Variants in FLG observed in about 807,000 individuals in gnomAD.
FLG encodes epidermal filaggrin.
Under a neutral mutation model 3.8 loss-of-function variants are expected in FLG, and 6 were observed. The observed-to-expected ratio is 1.60, with a 90% confidence interval of 0.87 to 3.15. The LOEUF is 3.15. Among genes scored for constraint, FLG ranks in the 30% most tolerant of loss-of-function variants. FLG has a pLI of 0.00. For synonymous variants in FLG, 2,551 were observed against 1,931.6 expected (o/e 1.32, Z -8.41); for missense variants, 7,595 against 5,050.9 (o/e 1.50, Z -15.27).
Position 152,309,794 on chromosome 1 carries a change from C to A in FLG, c.5092G>T (p.Gly1698Trp), listed in dbSNP as rs746942219. The change falls in exon 3 of 3, where the codon GGG becomes TGG. Residue 1698 changes from glycine (G) to tryptophan (W), a missense_variant. Gly to Trp is a radical substitution (Grantham distance 184). Coordinates refer to ENST00000368799, the MANE Select transcript of FLG (RefSeq NM_002016.2). ...SADSSTDSGTGRRQDSSVVGD... is the reference protein window; with the variant it reads ...SADSSTDSGTWRRQDSSVVGD... ...ACTACAGATGAATCTTGTCTGCGCC[C>A]AGTGCCTGAGTCTGTGGAGCTGTCT... The A allele has an allele frequency of 6.2e-7, 1 of 1,613,984 alleles. No homozygotes were observed.
At position 152,311,402 on chromosome 1, in the gene FLG, G is replaced by T. The variant is rs76017272; in HGVS notation, c.3484C>A (p.Gln1162Lys). The T allele has an allele frequency of 2.8e-4, 446 of 1,613,592 alleles. 1 individual carries two copies. In the East Asian group the frequency reaches 9.8e-3, roughly 36 times the overall value. The change falls in exon 3 of 3, where the codon CAG becomes AAG. Residue 1162 changes from glutamine to lysine, a missense_variant. Transcript: ENST00000368799. ...SSRHSASQEG[Q>K]DTIRAHPGSR... The stretch of plus-strand genomic sequence containing the variant: ...CCCGGGTGTGCACGAATGGTGTCCT[G>T]ACCCTCTTGGGACGCTGAGTGCCTG...
At chr1:152,315,195 A>G in intron 2 of FLG, 124 bp downstream of exon 2, 1 of 956,198 alleles carries the variant, frequency 1.0e-6, no homozygotes, top group East Asian at 2.4e-5. Context: ...ATCTCTTTTG[A>G]GACAAGATTA....
Position 152,308,725 on chromosome 1 carries a change from G to T in FLG, c.6161C>A (p.Ser2054Ter). 1 of 1,614,112 alleles carries T rather than the reference G, an allele frequency of 6.2e-7. No individual in the cohort carries two copies. Among genetic ancestry groups the T allele is most frequent in the East Asian group, 2.2e-5 (1 of 44,872 alleles). The change falls in exon 3 of 3, where the codon TCA (serine) becomes TAA (stop). Residue 2054 changes from serine (S) to a stop codon, truncating the protein, a stop_gained. Coordinates refer to ENST00000368799, the MANE Select transcript of FLG (RefSeq NM_002016.2). LOFTEE classifies it low-confidence loss of function (END_TRUNC). ...ASDSEGHSED[S>*]DTQSVSAQGK... Reference sequence around the variant, plus strand: ...CTGTGCTGACACTGACTGTGTGTCTGAGTCTTCTGAATGTCCCTCACTGTC... The same window carrying T: ...CTGTGCTGACACTGACTGTGTGTCTTAGTCTTCTGAATGTCCCTCACTGTC...
rs752919331 is a variant in FLG, at chr1:152,314,364, T to C, written c.522A>G (p.Gly174=). The change falls in exon 3 of 3, where the codon GGA becomes GGG. Residue 174 remains glycine, a synonymous_variant. Transcript: ENST00000368799. ...TTTTACTTGAGTTATGATGGTTTTTTCCATATTCTTCTTCTCTATGAGTAG... is the reference window on the plus strand; with the variant it reads ...TTTTACTTGAGTTATGATGGTTTTTCCCATATTCTTCTTCTCTATGAGTAG... ...YSPTHREEEY[G]KNHHNSSKKE... 1.9e-6 allele frequency: 3 copies of C among 1,612,722 alleles called. No individual in the cohort carries two copies. Among genetic ancestry groups the C allele is most frequent in the Non-Finnish European group, 8.5e-7 (1 of 1,179,516 alleles).
At position 152,304,800 on chromosome 1, in the gene FLG, C is replaced by A. The variant is rs750402119; in HGVS notation, c.10086G>T (p.Gly3362=). ...TQSVSGHGQA[G]PHQQSHQESA... ...ACTCTTGGTGGCTCTGCTGATGGGGCCCAGCCTGTCCATGGCCTGACACTG... is the reference window on the plus strand; with the variant it reads ...ACTCTTGGTGGCTCTGCTGATGGGGACCAGCCTGTCCATGGCCTGACACTG... The change falls in exon 3 of 3, where the codon GGG becomes GGT. Residue 3362 remains glycine, a synonymous_variant. Transcript: ENST00000368799. The A allele has an allele frequency of 1.2e-5, 20 of 1,613,736 alleles. 2 individuals carry two copies. The South Asian group carries it at 1.8e-4, about 14-fold the overall frequency.
chr1:152,324,341 TG>T (rs1653078130), intron 1 of FLG, among the ~76,000 whole-genome samples: 1 of 151,926 alleles, frequency 6.6e-6, no homozygotes, highest in Admixed American at 6.6e-5. Flanking sequence ...TGAGCTACGC[TG>T]TCTAGCTCTC....
At position 152,311,279 on chromosome 1, in the gene FLG, T is replaced by A; in HGVS notation, c.3607A>T (p.Arg1203Trp). The A allele has an allele frequency of 6.2e-7, 1 of 1,613,872 alleles. No homozygotes were observed. The highest frequency in any genetic ancestry group is 8.5e-7 in the Non-Finnish European group (1 of 1,179,970). The change falls in exon 3 of 3, where the codon AGG (arginine) becomes TGG (tryptophan). Residue 1203 changes from arginine to tryptophan, a missense_variant. By Grantham distance (101) the Arg-to-Trp change is moderately radical. Coordinates refer to ENST00000368799, the MANE Select transcript of FLG (RefSeq NM_002016.2). Reference protein sequence around the residue: ...SHHSHTTSQGRSDASHGQSGS... With the variant: ...SHHSHTTSQGWSDASHGQSGS... The stretch of plus-strand genomic sequence containing the variant: ...GACTGCCCATGGGAGGCATCAGACC[T>A]TCCCTGGGATGTGGTGTGGCTGTGA...
In FLG at chr1:152,305,100, G is replaced by C; in HGVS notation, c.9786C>G (p.Ala3262=). 1 of 1,613,710 alleles carries C rather than the reference G, an allele frequency of 6.2e-7. No homozygotes were observed. The highest frequency in any genetic ancestry group is 8.5e-7 in the Non-Finnish European group (1 of 1,179,810). ...RHPRSHHEDR[A]GHGHSADRSR... ...AGCGGTCTGCAGAGTGCCCGTGACCGGCTCTGTCTTCGTGATGGGACCTGG... is the reference window on the plus strand; with the variant it reads ...AGCGGTCTGCAGAGTGCCCGTGACCCGCTCTGTCTTCGTGATGGGACCTGG... The change falls in exon 3 of 3, where the codon GCC becomes GCG. Residue 3262 remains alanine, a synonymous_variant. Coordinates refer to ENST00000368799, the MANE Select transcript of FLG (RefSeq NM_002016.2).
Position 152,309,791 on chromosome 1 carries a change from G to T in FLG, c.5095C>A (p.Arg1699Ser). The T allele has an allele frequency of 1.2e-6, 2 of 1,613,682 alleles. No individual in the cohort carries two copies. The highest frequency in any genetic ancestry group is 1.7e-6 in the Non-Finnish European group (2 of 1,179,936). ...ADSSTDSGTG[R>S]RQDSSVVGDS... The stretch of plus-strand genomic sequence containing the variant: ...CCGACTACAGATGAATCTTGTCTGC[G>T]CCCAGTGCCTGAGTCTGTGGAGCTG... The change falls in exon 3 of 3, where the codon CGC becomes AGC. Residue 1699 changes from arginine to serine, a missense_variant. By Grantham distance (110) the Arg-to-Ser change is moderately radical. Coordinates refer to ENST00000368799, the MANE Select transcript of FLG (RefSeq NM_002016.2).
At chr1:152,323,504 A>T (rs1247162931) in intron 1 of FLG, among the ~76,000 whole-genome samples, 1 of 151,736 alleles carries the variant, frequency 6.6e-6, no homozygotes, top group Non-Finnish European at 1.5e-5. Flanking sequence ...ACAGAAAAGG[A>T]TATCCAAATG....
At position 152,308,616 on chromosome 1, in the gene FLG, G is replaced by A. The variant is rs553906156; in HGVS notation, c.6270C>T (p.Phe2090=). 1 of 1,614,132 alleles carries A rather than the reference G, an allele frequency of 6.2e-7. No homozygotes were observed. Among genetic ancestry groups the A allele is most frequent in the South Asian group, 1.1e-5 (1 of 91,074 alleles). ...GTTCATGAGTGCTCACCTGGTAGAG[G>A]AAAGACCCTGAACGTCCAGAGCTTT... is the stretch of plus-strand genomic sequence containing the variant. The part of the protein sequence containing the change: ...SGESSGRSGS[F]LYQVSTHEQS... The change falls in exon 3 of 3, where the codon TTC becomes TTT. Residue 2090 remains phenylalanine, a synonymous_variant. Transcript: ENST00000368799.
In FLG at chr1:152,309,109, C is replaced by T. The variant is rs1272079341; in HGVS notation, c.5777G>A (p.Gly1926Glu). 1.2e-6 allele frequency: 2 copies of T among 1,613,818 alleles called. No individual in the cohort carries two copies. The highest frequency in any genetic ancestry group is 1.7e-6 in the Non-Finnish European group (2 of 1,179,726). The stretch of plus-strand genomic sequence containing the variant: ...CCACCTCTCAGAGTCTTCTGAGTGT[C>T]CCTGACTGTCACTGTCCTGGCTAAC... ...SSVSQDSDSQ[G>E]HSEDSERWSG... Residue 1926 changes from glycine to glutamate, a missense_variant, in exon 3 of 3, where the codon GGA becomes GAA. Transcript: ENST00000368799.
intron 1 of FLG, among the ~76,000 whole-genome samples, chr1:152,316,451 G>A (rs556649807): frequency 6.6e-6 from 1 of 151,796 alleles, no homozygotes; most frequent in African/African-American, 2.4e-5. Context: ...AAGAAGCATA[G>A]AAAAAGAAGG....
chr1:152,310,329 G>C lies in FLG; in HGVS notation c.4557C>G (p.His1519Gln). The C allele has an allele frequency of 6.2e-7, 1 of 1,613,978 alleles. No individual in the cohort carries two copies. The highest frequency in any genetic ancestry group is 8.5e-7 in the Non-Finnish European group (1 of 1,179,998). Residue 1519 changes from histidine to glutamine, a missense_variant, in exon 3 of 3, where the codon CAC becomes CAG. Physicochemically the swap from His to Gln is conservative, Grantham distance 24. Transcript: ENST00000368799. ...VDRSGHSGYH[H>Q]SHTTPQGRSD... ...ACCTTCCCTGGGGTGTGGTGTGGCT[G>C]TGATGGTACCCTGAGTGTCCAGACC...
At position 152,304,997 on chromosome 1, in the gene FLG, T is replaced by A. The variant is rs375291235; in HGVS notation, c.9889A>T (p.Ser3297Cys). ...CGGGATCCGTGTCTCTCTCCTGGAC[T>A]TGATCTTGCCTGTTCATGGGATGAT... ...AASSHEQARS[S>C]PGERHGSRHQ... The change falls in exon 3 of 3, where the codon AGT becomes TGT. Residue 3297 changes from serine (S) to cysteine (C), a missense_variant. Coordinates refer to ENST00000368799, the MANE Select transcript of FLG (RefSeq NM_002016.2). 142 of 1,613,802 alleles carry A rather than the reference T, an allele frequency of 8.8e-5. No individual in the cohort carries two copies. Among genetic ancestry groups the A allele is most frequent in the Non-Finnish European group, 1.2e-4 (137 of 1,179,992 alleles).
rs1299825926 is a variant in FLG, at chr1:152,302,319, A to G, written c.*381T>C. On this transcript the variant is annotated 3_prime_UTR_variant, in exon 3 of 3. Transcript: ENST00000368799. ...CTGATGTTGATATAGCCACTTTGGTATACAGAACTGTTTTATATTTTTGGC... is the reference window on the plus strand; with the variant it reads ...CTGATGTTGATATAGCCACTTTGGTGTACAGAACTGTTTTATATTTTTGGC... The G allele has an allele frequency of 1.2e-5, 3 of 258,472 alleles. No homozygotes were observed. The highest frequency in any genetic ancestry group is 5.0e-5 in the South Asian group (1 of 20,088). The allele number at this position is 258,472 out of a possible 1,614,324, so 16.0% of individuals were successfully genotyped here. A position where few individuals can be genotyped will look rare whatever the true frequency, so the allele number is the denominator to read the frequency against.
chr1:152,303,046 C>T lies in FLG; in HGVS notation c.11840G>A (p.Arg3947His), dbSNP rs771010160. 9.9e-6 allele frequency: 16 copies of T among 1,614,058 alleles called. No individual in the cohort carries two copies. Among genetic ancestry groups the T allele is most frequent in the Non-Finnish European group, 1.3e-5 (15 of 1,180,040 alleles). The change falls in exon 3 of 3, where the codon CGT (arginine) becomes CAT (histidine). Residue 3947 changes from arginine (R) to histidine (H), a missense_variant. Coordinates refer to ENST00000368799, the MANE Select transcript of FLG (RefSeq NM_002016.2). ...AGAACTAGAACTGTGAGGACTGCCA[C>T]GTGACTGTATTCCTGAGTGATACGC... ...DSAYHSGIQSRGSPHSSSSYH... is the reference protein window; with the variant it reads ...DSAYHSGIQSHGSPHSSSSYH...
Position 152,302,569 on chromosome 1 carries a change from A to G in FLG, c.*131T>C. ...AAATAAGCTACCACCAAACTAATGA[A>G]ATACTATAGCATATTTTAAACAGAT... On this transcript the variant is annotated 3_prime_UTR_variant, in exon 3 of 3. Transcript: ENST00000368799. 1 of 1,174,656 alleles carries G rather than the reference A, an allele frequency of 8.5e-7. No individual in the cohort carries two copies. The highest frequency in any genetic ancestry group is 1.2e-6 in the Non-Finnish European group (1 of 848,880). The allele number at this position is 1,174,656 out of a possible 1,614,324, so 72.8% of individuals were successfully genotyped here.
In FLG at chr1:152,324,657, C is replaced by T. The variant is rs868347807; in HGVS notation, c.-22+532G>A. Among the ~76,000 whole-genome samples the T allele has an allele frequency of 1.1e-4, 16 of 151,628 alleles. No homozygotes were observed. In the East Asian group the frequency reaches 1.4e-3, roughly 13 times the overall value. Reference sequence around the variant, plus strand: ...ATTTGTAAACTTTCTTAAAACATTACGAGTTTTTTTTTAAGCTTATCAGCT... The same window carrying T: ...ATTTGTAAACTTTCTTAAAACATTATGAGTTTTTTTTTAAGCTTATCAGCT... On this transcript the variant is annotated intron_variant, in intron 1 of 2. Coordinates refer to ENST00000368799, the MANE Select transcript of FLG (RefSeq NM_002016.2).
Sources: gnomAD v4.1 joint callset for allele counts (sites outside exome capture counted in the v4.1 genomes callset) on GRCh38, gnomAD v4.1.1 for gene constraint, MANE v1.5 for transcripts, NCBI Gene and HGNC (gene_info 2026-07-23, HGNC 2026-07-21) for gene names.